Variants in RCOR1 observed in about 807,000 individuals in gnomAD.
RCOR1 encodes the protein REST corepressor.
A neutral mutation model predicts 64.0 loss-of-function variants in RCOR1; 12 were observed. The observed-to-expected ratio is 0.19, with a 90% confidence interval of 0.12 to 0.30. The LOEUF (loss-of-function observed/expected upper bound fraction) is 0.30. Ranked by LOEUF, RCOR1 falls within the 10% of genes least tolerant of loss-of-function variation. The pLI is 1.00. For missense variants in RCOR1, 502 were observed against 621.2 expected (o/e 0.81, Z 2.04); for synonymous variants, 279 against 227.2 (o/e 1.23, Z -2.05).
At chr14:102,711,770 AAT>A (rs1187718121) in intron 7 of RCOR1, among the ~76,000 whole-genome samples, 1 of 152,192 alleles carries the variant, frequency 6.6e-6, no homozygotes, top group Non-Finnish European at 1.5e-5. Flanking sequence ...TGACATCAGT[AAT>A]ATATGTTTCT....
chr14:102,726,165 G>A (rs1234269729), intron 11 of RCOR1, among the ~76,000 whole-genome samples: 1 of 151,714 alleles, frequency 6.6e-6, no homozygotes, highest in Non-Finnish European at 1.5e-5. Context: ...CGTCTCTACT[G>A]AAGGTACAAA....
intron 2 of RCOR1, among the ~76,000 whole-genome samples, chr14:102,663,462 A>G (rs1483351857): frequency 6.6e-6 from 1 of 152,164 alleles, no homozygotes; most frequent in East Asian, 1.9e-4. Context: ...CTCTTACAAC[A>G]TTGGTGTAAA....
chr14:102,722,119 G>T (rs578085729), intron 10 of RCOR1, 68 bp from the exon 11 acceptor site: 2 of 1,108,192 alleles, frequency 1.8e-6, no homozygotes, highest in Non-Finnish European at 2.7e-6. Flanking sequence ...AAAGAGGTAA[G>T]TGTCACTTGT....
At chr14:102,631,368 A>G (rs1894107641) in intron 2 of RCOR1, among the ~76,000 whole-genome samples, 1 of 150,754 alleles carries the variant, frequency 6.6e-6, no homozygotes, top group Non-Finnish European at 1.5e-5. Flanking sequence ...ATGCCCAGCT[A>G]ATTTTTTTTT....
chr14:102,614,546 A>G (rs1893711081), intron 2 of RCOR1, among the ~76,000 whole-genome samples: 1 of 152,100 alleles, frequency 6.6e-6, no homozygotes, highest in Admixed American at 6.6e-5. Context: ...TTTAAATGTC[A>G]GATATTGATA....
chr14:102,722,182 C>T lies in RCOR1; in HGVS notation c.1190-5C>T. On this transcript the variant is annotated splice_region_variant and splice_polypyrimidine_tract_variant and intron_variant, in intron 10 of 11. Transcript: ENST00000262241. ...ATTTTAAAAAATGCTTTCTTACATC[C>T]TTAGCCATCAGGAAATATGGCCGAG... The T allele has an allele frequency of 3.1e-6, 5 of 1,609,870 alleles. No individual in the cohort carries two copies. The highest frequency in any genetic ancestry group is 1.1e-5 in the South Asian group (1 of 90,946).
intron 2 of RCOR1, among the ~76,000 whole-genome samples, chr14:102,676,455 C>G (rs1251630933): frequency 3.7e-5 from 4 of 109,556 alleles, no homozygotes; most frequent in African/African-American, 8.1e-5. Flanking sequence ...GGGCGGCCGG[C>G]CGGGCGGGGG....
intron 2 of RCOR1, among the ~76,000 whole-genome samples, chr14:102,673,251 A>T (rs775541969): frequency 3.3e-5 from 5 of 152,012 alleles, no homozygotes; most frequent in Non-Finnish European, 5.9e-5. Context: ...TTTCTATTCA[A>T]ACTGGTTGAT....
chr14:102,631,266 A>T (rs1247360514), intron 2 of RCOR1, among the ~76,000 whole-genome samples: 1 of 150,410 alleles, frequency 6.6e-6, no homozygotes, highest in African/African-American at 2.5e-5. Context: ...GCAGTGGCGC[A>T]ATCTCGGCTC....
intron 2 of RCOR1, among the ~76,000 whole-genome samples, chr14:102,675,452 C>G (rs1351472188): frequency 6.6e-6 from 1 of 152,094 alleles, no homozygotes; most frequent in Non-Finnish European, 1.5e-5. Context: ...CCAACATCGC[C>G]AATACTTTGG....
intron 4 of RCOR1, among the ~76,000 whole-genome samples, chr14:102,706,519 G>A (rs996270764): frequency 3.9e-5 from 6 of 152,124 alleles, no homozygotes; most frequent in African/African-American, 1.2e-4. Context: ...ACCTGGTGGG[G>A]AAAACAGGAT....
chr14:102,684,783 G>GT (rs1895381622), intron 3 of RCOR1, among the ~76,000 whole-genome samples: 1 of 152,066 alleles, frequency 6.6e-6, no homozygotes, highest in Admixed American at 6.6e-5. Context: ...GTGTATGTGT[G>GT]TATTGTCTTC....
At chr14:102,694,740 G>A (rs555865254) in intron 3 of RCOR1, among the ~76,000 whole-genome samples, 9 of 152,282 alleles carry the variant, frequency 5.9e-5, no homozygotes, top group Admixed American at 4.6e-4. Flanking sequence ...CCACCAGGTG[G>A]CACAATTGCT....
chr14:102,617,591 T>C (rs4906241), intron 2 of RCOR1, among the ~76,000 whole-genome samples: 97 of 13,082 alleles, frequency 7.4e-3, no homozygotes, highest in Middle Eastern at 0.1. Context: ...CTCTTTCTTT[T>C]TTTTTTTTTT....
At chr14:102,611,376 A>G (rs1393256209) in intron 2 of RCOR1, among the ~76,000 whole-genome samples, 1 of 152,140 alleles carries the variant, frequency 6.6e-6, no homozygotes, top group Non-Finnish European at 1.5e-5. Context: ...GCCTCAGCCT[A>G]TAGTTCTTTT....
Position 102,658,578 on chromosome 14 carries a change from C to T in RCOR1, c.362-23317C>T, listed in dbSNP as rs992148506. 7.1e-6 allele frequency: 7 copies of T among 985,266 alleles called. No homozygotes were observed. In the African/African-American group the frequency reaches 1.2e-4, roughly 17 times the overall value. The allele number at this position is 985,266 out of a possible 1,614,324, so 61.0% of individuals were successfully genotyped here. A position where few individuals can be genotyped will look rare whatever the true frequency, so the allele number is the denominator to read the frequency against. ...CTTTTCTCAGGAACAGGATGGCTAC[C>T]TACCTACCCCCCATCCTTTTCCTGT... On this transcript the variant is annotated intron_variant, in intron 2 of 11. Coordinates refer to ENST00000262241, the MANE Select transcript of RCOR1 (RefSeq NM_015156.4).
intron 2 of RCOR1, among the ~76,000 whole-genome samples, chr14:102,660,649 G>A (rs1487405960): frequency 1.3e-5 from 2 of 152,150 alleles, no homozygotes; most frequent in African/African-American, 4.8e-5. Context: ...TTAGAGATGT[G>A]AACCACTGTG....
chr14:102,626,098 G>A (rs1243049160), intron 2 of RCOR1, among the ~76,000 whole-genome samples: 1 of 152,170 alleles, frequency 6.6e-6, no homozygotes, highest in Non-Finnish European at 1.5e-5. Context: ...GCATCCCTGT[G>A]ATCTTTGACT....
intron 2 of RCOR1, among the ~76,000 whole-genome samples, chr14:102,656,397 C>G (rs985871988): frequency 3.3e-5 from 5 of 151,984 alleles, no homozygotes; most frequent in African/African-American, 9.7e-5. Context: ...CTCAGCCTCC[C>G]TGAGTATTGG....
Sources: gnomAD v4.1 joint callset for allele counts (sites outside exome capture counted in the v4.1 genomes callset) on GRCh38, gnomAD v4.1.1 for gene constraint, MANE v1.5 for transcripts, NCBI Gene and HGNC (gene_info 2026-07-23, HGNC 2026-07-21) for gene names.